The following SPAG16 variants were observed in gnomAD, a reference collection of about 807,000 sequenced individuals.
SPAG16 encodes sperm associated antigen 16.
SPAG16 carries 86 observed loss-of-function variants against 80.4 expected under a neutral mutation model. That is an observed-to-expected ratio of 1.07 (90% CI 0.90 to 1.28). The LOEUF (loss-of-function observed/expected upper bound fraction) is 1.28, where lower values mean the gene tolerates loss of function less well. Among genes scored for constraint, SPAG16 ranks in the 50% most tolerant of loss-of-function variants. The probability of loss-of-function intolerance (pLI) is 0.00; values close to 1 mark genes in which losing one functional copy is unlikely to be tolerated. For missense variants in SPAG16, 870 were observed against 765.3 expected (o/e 1.14, Z -1.61); for synonymous variants, 294 against 265.9 (o/e 1.11, Z -1.03).
chr2:213,586,900 C>T (rs1038377772), intron 10 of SPAG16, among the ~76,000 whole-genome samples: 1 of 152,190 alleles, frequency 6.6e-6, no homozygotes. Flanking sequence ...GCCCTCTGGG[C>T]CCTCTGGGGT....
intron 1 of SPAG16, among the ~76,000 whole-genome samples, chr2:213,285,376 A>G (rs927250178): frequency 1.3e-5 from 2 of 152,180 alleles, no homozygotes; most frequent in African/African-American, 4.8e-5. Context: ...TCTTTCCTCT[A>G]GTTATATAGA....
intron 12 of SPAG16, among the ~76,000 whole-genome samples, chr2:213,949,241 G>T (rs1293648647): frequency 1.6e-5 from 2 of 124,900 alleles, no homozygotes; most frequent in African/African-American, 6.1e-5. Flanking sequence ...TGTGATCTCG[G>T]CTCACTGTAA....
intron 14 of SPAG16, among the ~76,000 whole-genome samples, chr2:214,113,163 T>C: frequency 6.6e-6 from 1 of 152,216 alleles, no homozygotes; most frequent in East Asian, 1.9e-4. Flanking sequence ...TCTTCTGGCT[T>C]GTAAGGTTTC....
At chr2:214,376,500 T>G (rs1375021486) in intron 15 of SPAG16, among the ~76,000 whole-genome samples, 1 of 152,024 alleles carries the variant, frequency 6.6e-6, no homozygotes, top group African/African-American at 2.4e-5. Context: ...CCTATGGCAA[T>G]CTAAAAAAAA....
At chr2:214,060,126 A>C (rs562313864) in intron 13 of SPAG16, among the ~76,000 whole-genome samples, 1 of 152,166 alleles carries the variant, frequency 6.6e-6, no homozygotes, top group Non-Finnish European at 1.5e-5. Flanking sequence ...GTGCCCTCTC[A>C]TCAGGGAGAT....
At chr2:213,630,798 C>T (rs907632090) in intron 10 of SPAG16, among the ~76,000 whole-genome samples, 31 of 152,106 alleles carry the variant, frequency 2.0e-4, no homozygotes, top group African/African-American at 6.8e-4. Flanking sequence ...AAGAGCACTA[C>T]CATACTCCTC....
At chr2:214,309,223 T>G (rs1227208867) in intron 15 of SPAG16, among the ~76,000 whole-genome samples, 2 of 152,196 alleles carry the variant, frequency 1.3e-5, no homozygotes, top group African/African-American at 4.8e-5. Flanking sequence ...TTCTTGTTTT[T>G]AAGTTCTGTC....
At position 214,132,731 on chromosome 2, in the gene SPAG16, G is replaced by A. The variant is rs73987186; in HGVS notation, c.1594-16409G>A. On this transcript the variant is annotated intron_variant, in intron 14 of 15. Coordinates refer to ENST00000331683, the MANE Select transcript of SPAG16 (RefSeq NM_024532.5). ...AATAGCCAATAGAGTAACATATGGG[G>A]AAATTTAAGGAAGATGATAGGCAGG... is the stretch of plus-strand genomic sequence containing the variant. 8.9e-3 allele frequency among the ~76,000 whole-genome samples: 1,361 copies of A among 152,264 alleles called. 27 individuals are homozygous for A. The highest frequency in any genetic ancestry group is 0.031 in the African/African-American group (1,287 of 41,558).
At chr2:213,618,018 T>C (rs912175389) in intron 10 of SPAG16, among the ~76,000 whole-genome samples, 1 of 152,156 alleles carries the variant, frequency 6.6e-6, no homozygotes, top group African/African-American at 2.4e-5. Flanking sequence ...TTGTAGCCCC[T>C]AGTTATTGAA....
intron 10 of SPAG16, among the ~76,000 whole-genome samples, chr2:213,852,702 A>G (rs1402351821): frequency 6.6e-6 from 1 of 152,146 alleles, no homozygotes; most frequent in African/African-American, 2.4e-5. Flanking sequence ...ATCAAAAATA[A>G]CATTCTCCCC....
intron 15 of SPAG16, among the ~76,000 whole-genome samples, chr2:214,380,687 A>G (rs1349816326): frequency 1.3e-5 from 2 of 152,234 alleles, no homozygotes. Flanking sequence ...AGCATTCAGG[A>G]TTCACAAAAC....
At chr2:214,149,488 A>G (rs6435816) in intron 15 of SPAG16, among the ~76,000 whole-genome samples, 148,735 of 152,118 alleles carry the variant, frequency 0.98, 72,788 homozygotes, top group East Asian at 1. Flanking sequence ...TATAGGTGAT[A>G]ATGTGTACTA....
chr2:214,271,518 T>C (rs977855754), intron 15 of SPAG16, among the ~76,000 whole-genome samples: 1 of 152,164 alleles, frequency 6.6e-6, no homozygotes, highest in Non-Finnish European at 1.5e-5. Context: ...TAAGAGAAAC[T>C]GGCCACGTGT....
intron 15 of SPAG16, among the ~76,000 whole-genome samples, chr2:214,308,425 A>T (rs961520936): frequency 6.6e-6 from 1 of 152,070 alleles, no homozygotes; most frequent in Non-Finnish European, 1.5e-5. Flanking sequence ...TTTGACTCTC[A>T]TTATGGTGTT....
chr2:213,933,063 T>A (rs2078837999), intron 12 of SPAG16, among the ~76,000 whole-genome samples: 1 of 151,502 alleles, frequency 6.6e-6, no homozygotes, highest in Non-Finnish European at 1.5e-5. Flanking sequence ...ATTCAACAAG[T>A]AAATATGGCA....
chr2:214,400,022 A>G (rs921105137), intron 15 of SPAG16, among the ~76,000 whole-genome samples: 1 of 152,072 alleles, frequency 6.6e-6, no homozygotes, highest in South Asian at 2.1e-4. Flanking sequence ...TTTTAAATAG[A>G]TTCAATAATT....
chr2:214,130,718 A>G (rs1208125223), intron 14 of SPAG16, among the ~76,000 whole-genome samples: 1 of 152,218 alleles, frequency 6.6e-6, no homozygotes, highest in Non-Finnish European at 1.5e-5. Context: ...CCTATAAGAC[A>G]AAGATCTCAT....
chr2:213,695,465 T>G (rs965008702), intron 10 of SPAG16, among the ~76,000 whole-genome samples: 1 of 152,230 alleles, frequency 6.6e-6, no homozygotes, highest in Non-Finnish European at 1.5e-5. Context: ...CTGGGCTCTT[T>G]GGCCACACCA....
intron 3 of SPAG16, among the ~76,000 whole-genome samples, chr2:213,302,268 C>G (rs547982437): frequency 6.6e-6 from 1 of 151,908 alleles, no homozygotes; most frequent in Non-Finnish European, 1.5e-5. Context: ...TTTTGTTAAC[C>G]TCATAATTAA....
Sources: allele counts gnomAD v4.1 joint callset (sites outside exome capture counted in the v4.1 genomes callset), GRCh38; gene constraint gnomAD v4.1.1; transcripts MANE v1.5; gene names NCBI Gene and HGNC (gene_info 2026-07-23, HGNC 2026-07-21).